The following CORO2B variants were observed in gnomAD, a reference collection of about 807,000 sequenced individuals.
The protein encoded by CORO2B is coronin-2B.
A neutral mutation model predicts 58.8 loss-of-function variants in CORO2B; 26 were observed. That is an observed-to-expected ratio of 0.44 (90% CI 0.32 to 0.61). The LOEUF (loss-of-function observed/expected upper bound fraction) is 0.61, where lower values mean the gene tolerates loss of function less well. Ranked by LOEUF, CORO2B falls within the 20% of genes least tolerant of loss-of-function variation. The pLI, the probability that CORO2B is intolerant of heterozygous loss-of-function variation, is 0.04. For synonymous variants in CORO2B, 242 were observed against 253.8 expected, an observed-to-expected ratio of 0.95 and a Z score of 0.44; for missense variants, 460 against 645.1, an observed-to-expected ratio of 0.71 and a Z score of 3.11.
At chr15:68,605,813 C>T (rs1413197837) in intron 1 of CORO2B, among the ~76,000 whole-genome samples, 1 of 150,852 alleles carries the variant, frequency 6.6e-6, no homozygotes, top group East Asian at 2.0e-4. Flanking sequence ...CAACCTCCAC[C>T]TCCCGGGTTC....
intron 2 of CORO2B, among the ~76,000 whole-genome samples, chr15:68,658,024 C>T (rs1042217039): frequency 6.6e-6 from 1 of 152,264 alleles, no homozygotes; most frequent in Non-Finnish European, 1.5e-5. Context: ...GCTCCCCAAA[C>T]TCCTAAGCTT....
intron 1 of CORO2B, among the ~76,000 whole-genome samples, chr15:68,630,411 C>T (rs535230971): frequency 2.9e-5 from 4 of 139,712 alleles, no homozygotes; most frequent in East Asian, 2.0e-4. Flanking sequence ...GAGAAAACCT[C>T]GAAATGAAAT....
Position 68,645,908 on chromosome 15 carries a change from G to C in CORO2B, c.216+548G>C, listed in dbSNP as rs1051717688. On this transcript the variant is annotated intron_variant, in intron 2 of 11. Transcript: ENST00000261861. The surrounding 1 kb of genome is among the most constrained non-coding windows in gnomAD (Gnocchi z 4.5). Reference sequence around the variant, plus strand: ...CCTGCCTCAGCCTCCCGAGAAGCTGGGATTGCAGGCACGTGCCACCACGCC... The same window carrying C: ...CCTGCCTCAGCCTCCCGAGAAGCTGCGATTGCAGGCACGTGCCACCACGCC... Among the ~76,000 whole-genome samples, 1 of 152,030 alleles carries C rather than the reference G, an allele frequency of 6.6e-6. No homozygotes were observed. The highest frequency in any genetic ancestry group is 2.4e-5 in the African/African-American group (1 of 41,392).
chr15:68,533,221 C>T, the CORO2B span, among the ~76,000 whole-genome samples: 1 of 152,114 alleles, frequency 6.6e-6, no homozygotes, highest in Non-Finnish European at 1.5e-5. Context: ...TCCATGGTGC[C>T]TGTTAACCAA....
At chr15:68,618,610 T>C (rs1900433910) in intron 1 of CORO2B, among the ~76,000 whole-genome samples, 1 of 152,226 alleles carries the variant, frequency 6.6e-6, no homozygotes, top group African/African-American at 2.4e-5. Flanking sequence ...TGGTTCTCAA[T>C]AATCCTATAG....
At chr15:68,589,653 T>G (rs558015375) in intron 1 of CORO2B, among the ~76,000 whole-genome samples, 39 of 152,340 alleles carry the variant, frequency 2.6e-4, no homozygotes, top group African/African-American at 8.4e-4. Flanking sequence ...ATTCTGTGGG[T>G]TTTTTTCTAG....
At chr15:68,518,646 G>A in the CORO2B span, among the ~76,000 whole-genome samples, 2 of 152,092 alleles carry the variant, frequency 1.3e-5, no homozygotes, top group Admixed American at 6.5e-5. Flanking sequence ...GGGCCTTCTG[G>A]GCATAGCTTT....
the CORO2B span, among the ~76,000 whole-genome samples, chr15:68,561,354 G>A: frequency 3.9e-5 from 6 of 152,128 alleles, no homozygotes; most frequent in South Asian, 1.0e-3. Context: ...CACTCTCCCC[G>A]GTCCAGATGG....
At chr15:68,550,706 C>G in the CORO2B span, among the ~76,000 whole-genome samples, 1 of 152,212 alleles carries the variant, frequency 6.6e-6, no homozygotes, top group Non-Finnish European at 1.5e-5. Context: ...CAGAACAAAT[C>G]TACCTGCAGG....
rs201705107 is a variant in CORO2B, at chr15:68,726,002, G to C, written c.*28G>C. Reference sequence around the variant, plus strand: ...CCCCAGCTGGGCTGTTTTCTAAGCCGATCTCTCCGTCGTTTCTACTCATCC... The same window carrying C: ...CCCCAGCTGGGCTGTTTTCTAAGCCCATCTCTCCGTCGTTTCTACTCATCC... On this transcript the variant is annotated 3_prime_UTR_variant, in exon 12 of 12. Coordinates refer to ENST00000261861, the MANE Select transcript of CORO2B (RefSeq NM_006091.5). 6.3e-5 allele frequency: 101 copies of C among 1,610,140 alleles called. No individual in the cohort carries two copies. The highest frequency in any genetic ancestry group is 7.7e-5 in the Non-Finnish European group (91 of 1,179,776).
chr15:68,568,959 G>A, the CORO2B span, among the ~76,000 whole-genome samples: 1 of 152,082 alleles, frequency 6.6e-6, no homozygotes, highest in Non-Finnish European at 1.5e-5. Flanking sequence ...TGCACGTTCT[G>A]CACATGTATC....
Position 68,578,993 on chromosome 15 carries a change from C to A in CORO2B, c.-270C>A. On this transcript the variant is annotated 5_prime_UTR_variant, in exon 1 of 12. Coordinates refer to ENST00000261861, the MANE Select transcript of CORO2B (RefSeq NM_006091.5). The surrounding 1 kb of genome is among the most constrained non-coding windows in gnomAD (Gnocchi z 4.2). The stretch of plus-strand genomic sequence containing the variant: ...CCGGGCCCTCTCCCTCTCTCCCTTT[C>A]TTCCTGCCTCGCCTTCCTGCGGCGA... 1.0e-6 allele frequency: 1 copy of A among 958,990 alleles called. No homozygotes were observed. The highest frequency in any genetic ancestry group is 1.2e-6 in the Non-Finnish European group (1 of 806,700). 59.4% of individuals were successfully genotyped at this position (958,990 alleles called of 1,614,324 possible).
upstream of CORO2B, among the ~76,000 whole-genome samples, chr15:68,574,179 G>T (rs1468275510): frequency 2.6e-5 from 4 of 152,228 alleles, no homozygotes; most frequent in African/African-American, 7.2e-5. Flanking sequence ...GGCCCAGCAA[G>T]GGAAAATGCT....
chr15:68,612,705 G>A (rs915822249), intron 1 of CORO2B, among the ~76,000 whole-genome samples: 1 of 152,196 alleles, frequency 6.6e-6, no homozygotes, highest in Non-Finnish European at 1.5e-5. Flanking sequence ...CCATGAGCTC[G>A]TGACTTCACA....
At chr15:68,538,500 G>A in the CORO2B span, among the ~76,000 whole-genome samples, 8 of 152,316 alleles carry the variant, frequency 5.3e-5, no homozygotes, top group Non-Finnish European at 8.8e-5. Flanking sequence ...GGTCCTGGGC[G>A]TTGCCCTGGC....
At chr15:68,536,445 A>G in the CORO2B span, among the ~76,000 whole-genome samples, 2 of 152,236 alleles carry the variant, frequency 1.3e-5, no homozygotes, top group Non-Finnish European at 2.9e-5. Flanking sequence ...AACCTTAGCC[A>G]ATGAGAATCT....
chr15:68,579,533 T>G (rs1280317284), intron 1 of CORO2B, among the ~76,000 whole-genome samples: 1 of 152,186 alleles, frequency 6.6e-6, no homozygotes, highest in Non-Finnish European at 1.5e-5. Flanking sequence ...ACCCCGGGAC[T>G]GCATTTTTAA....
intron 11 of CORO2B, 124 bp from the exon 12 acceptor site, chr15:68,725,719 C>A: frequency 8.4e-7 from 1 of 1,191,202 alleles, no homozygotes; most frequent in Non-Finnish European, 1.2e-6. Context: ...ATGTATCAAG[C>A]AGTGGGAGGC....
chr15:68,593,648 C>A (rs1416343637), intron 1 of CORO2B, among the ~76,000 whole-genome samples: 1 of 152,004 alleles, frequency 6.6e-6, no homozygotes, highest in Admixed American at 6.6e-5. Flanking sequence ...GGAAGAAGAC[C>A]CTCTCTGGGT....
Sources: gnomAD v4.1 joint callset for allele counts (sites outside exome capture counted in the v4.1 genomes callset) on GRCh38, gnomAD v4.1.1 for gene constraint, Gnocchi (gnomAD v3.1) non-coding constraint, MANE v1.5 for transcripts, NCBI Gene and HGNC (gene_info 2026-07-23, HGNC 2026-07-21) for gene names.